The following PSAT1 variants were observed in gnomAD, a reference collection of about 807,000 sequenced individuals.
PSAT1 encodes phosphoserine aminotransferase 1, also known as phosphoserine aminotransferase.
In PSAT1, 41 loss-of-function variants were observed where a neutral mutation model predicts 40.3. That is an observed-to-expected ratio of 1.02 (90% CI 0.79 to 1.32). The LOEUF is 1.32. Ranked by LOEUF, PSAT1 falls within the 40% of genes most tolerant of loss-of-function variation. PSAT1 has a pLI of 0.00. For synonymous variants in PSAT1, 147 were observed against 170.5 expected (o/e 0.86, Z 1.07); for missense variants, 406 against 455.8 (o/e 0.89, Z 0.99).
intron 7 of PSAT1, among the ~76,000 whole-genome samples, chr9:78,321,946 A>G (rs1828435198): frequency 6.6e-6 from 1 of 152,148 alleles, no homozygotes; most frequent in Non-Finnish European, 1.5e-5. Flanking sequence ...GCATTTTTAC[A>G]TTAAGGATTG....
intron 1 of PSAT1, among the ~76,000 whole-genome samples, chr9:78,298,743 C>A (rs189537508): frequency 1.3e-5 from 2 of 152,096 alleles, no homozygotes; most frequent in East Asian, 3.9e-4. Flanking sequence ...GGTGAGGGGG[C>A]AGGCAGATGT....
At chr9:78,300,510 C>T (rs1472635723) in intron 1 of PSAT1, 92 bp from the exon 2 acceptor site, 2 of 1,484,112 alleles carry the variant, frequency 1.3e-6, no homozygotes, top group South Asian at 1.3e-5. Context: ...CACTGTAGAC[C>T]CTTCCTTGTC....
intron 1 of PSAT1, among the ~76,000 whole-genome samples, chr9:78,298,660 A>G (rs1363898082): frequency 6.6e-6 from 1 of 152,114 alleles, no homozygotes; most frequent in Non-Finnish European, 1.5e-5. Flanking sequence ...GTCATCAGTA[A>G]TACAATTATT....
intron 7 of PSAT1, among the ~76,000 whole-genome samples, chr9:78,326,791 C>T (rs1031879204): frequency 2.0e-5 from 3 of 151,172 alleles, no homozygotes; most frequent in Admixed American, 6.6e-5. Context: ...TCTTGGGATG[C>T]CTCATTCTAC....
intron 7 of PSAT1, among the ~76,000 whole-genome samples, chr9:78,327,253 G>C (rs900723707): frequency 6.6e-6 from 1 of 151,720 alleles, no homozygotes; most frequent in Non-Finnish European, 1.5e-5. Context: ...GAGCCACCGC[G>C]CTTGGCCATG....
chr9:78,309,469 T>G (rs577630223), intron 6 of PSAT1, among the ~76,000 whole-genome samples: 1 of 152,328 alleles, frequency 6.6e-6, no homozygotes, highest in East Asian at 1.9e-4. Context: ...TTCAAGCGAT[T>G]CTCCTGCCTC....
intron 7 of PSAT1, among the ~76,000 whole-genome samples, chr9:78,327,143 A>G (rs1463449132): frequency 6.7e-6 from 1 of 148,562 alleles, no homozygotes; most frequent in East Asian, 2.0e-4. Flanking sequence ...TTTTTTTTTC[A>G]GTCGAGATGG....
chr9:78,320,234 C>G (rs1156406598), intron 7 of PSAT1, among the ~76,000 whole-genome samples: 1 of 151,798 alleles, frequency 6.6e-6, no homozygotes, highest in Non-Finnish European at 1.5e-5. Context: ...TTCACCCATC[C>G]ACTCATCCAG....
intron 3 of PSAT1, among the ~76,000 whole-genome samples, chr9:78,302,878 G>A (rs1021613712): frequency 1.3e-5 from 2 of 151,984 alleles, no homozygotes; most frequent in Non-Finnish European, 2.9e-5. Context: ...CTGCTTAGAC[G>A]AAATCTCCTG....
At chr9:78,306,637 C>T (rs578078262) in intron 5 of PSAT1, 151 bp downstream of exon 5, 46 of 964,190 alleles carry the variant, frequency 4.8e-5, no homozygotes, top group Admixed American at 9.1e-5. Context: ...CTGCCAGGTG[C>T]GAATTCCCAG....
intron 7 of PSAT1, among the ~76,000 whole-genome samples, chr9:78,322,160 T>C (rs1828437946): frequency 6.6e-6 from 1 of 150,492 alleles, no homozygotes; most frequent in African/African-American, 2.4e-5. Flanking sequence ...TTAATTTTAT[T>C]ATATAAGGAT....
chr9:78,329,123 A>G lies in PSAT1; in HGVS notation c.*37A>G. ...CCAGGATATACTCTGTTCTTGAACA[A>G]CATACAAAGTTTAAAGTAACTTGGG... On this transcript the variant is annotated 3_prime_UTR_variant, in exon 9 of 9. Coordinates refer to ENST00000376588, the MANE Select transcript of PSAT1 (RefSeq NM_058179.4). The G allele has an allele frequency of 1.4e-6, 2 of 1,451,586 alleles. No homozygotes were observed. The highest frequency in any genetic ancestry group is 1.9e-6 in the Non-Finnish European group (2 of 1,033,650). The allele number at this position is 1,451,586 out of a possible 1,614,324, so 89.9% of individuals were successfully genotyped here. A position where few individuals can be genotyped will look rare whatever the true frequency, so the allele number is the denominator to read the frequency against.
chr9:78,297,551 C>G (rs1828044496), intron 1 of PSAT1, among the ~76,000 whole-genome samples: 1 of 152,142 alleles, frequency 6.6e-6, no homozygotes, highest in Non-Finnish European at 1.5e-5. Context: ...GGCCTGCTGT[C>G]CCGCCGGTGC....
chr9:78,309,964 A>G (rs1828242423), intron 6 of PSAT1, among the ~76,000 whole-genome samples: 1 of 152,246 alleles, frequency 6.6e-6, no homozygotes, highest in Non-Finnish European at 1.5e-5. Flanking sequence ...AGATTAACAT[A>G]CATATAAATA....
At chr9:78,326,066 T>C (rs1828493401) in intron 7 of PSAT1, among the ~76,000 whole-genome samples, 1 of 152,176 alleles carries the variant, frequency 6.6e-6, no homozygotes, top group Admixed American at 6.5e-5. Context: ...AACCTACCAC[T>C]TCGAATAGTG....
At chr9:78,319,050 C>G (rs1828390553) in intron 7 of PSAT1, among the ~76,000 whole-genome samples, 1 of 152,204 alleles carries the variant, frequency 6.6e-6, no homozygotes, top group Non-Finnish European at 1.5e-5. Context: ...AACTGAGAAC[C>G]CCCTTCTTAG....
At chr9:78,323,360 C>T (rs1828455410) in intron 7 of PSAT1, among the ~76,000 whole-genome samples, 1 of 152,084 alleles carries the variant, frequency 6.6e-6, no homozygotes, top group African/African-American at 2.4e-5. Flanking sequence ...TGTTTGACCC[C>T]AAGGAGTTTG....
intron 3 of PSAT1, 41 bp downstream of exon 3, chr9:78,302,064 T>C: frequency 7.2e-7 from 1 of 1,383,996 alleles, no homozygotes; most frequent in Non-Finnish European, 1.0e-6. Context: ...TTTTGTTAGA[T>C]ACTTCCTAAA....
At chr9:78,318,605 C>T (rs952952396) in intron 7 of PSAT1, among the ~76,000 whole-genome samples, 1 of 152,210 alleles carries the variant, frequency 6.6e-6, no homozygotes. Context: ...TTTGTGGCTG[C>T]ATCACTCCAG....
Sources: allele counts gnomAD v4.1 joint callset (sites outside exome capture counted in the v4.1 genomes callset), GRCh38; gene constraint gnomAD v4.1.1; transcripts MANE v1.5; gene names NCBI Gene and HGNC (gene_info 2026-07-23, HGNC 2026-07-21).